The following RNPC3 variants were observed in gnomAD, a reference collection of about 807,000 sequenced individuals.
The protein encoded by RNPC3 is RNA-binding region-containing protein 3.
A neutral mutation model predicts 67.5 loss-of-function variants in RNPC3; 48 were observed. The observed-to-expected ratio is 0.71, with a 90% CI of 0.56 to 0.90. RNPC3 has a LOEUF of 0.90. Among genes scored for constraint, RNPC3 ranks in the 40% least tolerant of loss-of-function variants. RNPC3 has a pLI of 0.00. For synonymous variants in RNPC3, 239 were observed against 210.3 expected (o/e 1.14, Z -1.18); for missense variants, 637 against 626.1 (o/e 1.02, Z -0.19).
chr1:103,541,965 T>A (rs1252174110), intron 8 of RNPC3, among the ~76,000 whole-genome samples: 7 of 151,986 alleles, frequency 4.6e-5, no homozygotes, highest in Admixed American at 3.9e-4. Flanking sequence ...AATTCACATA[T>A]CTTTACTTGG....
chr1:103,536,986 A>C (rs1403507609), intron 6 of RNPC3, among the ~76,000 whole-genome samples: 1 of 152,222 alleles, frequency 6.6e-6, no homozygotes, highest in Non-Finnish European at 1.5e-5. Flanking sequence ...AATTGTTTCG[A>C]CCATGTGCCT....
intron 14 of RNPC3, chr1:103,552,464 C>T (rs1411020366): frequency 6.6e-6 from 1 of 151,618 alleles, no homozygotes; most frequent in Non-Finnish European, 1.5e-5. Flanking sequence ...GTCAAACTGT[C>T]ATTAAAAATA....
intron 12 of RNPC3, among the ~76,000 whole-genome samples, chr1:103,550,485 C>CA (rs1462567707): frequency 2.0e-5 from 3 of 151,422 alleles, no homozygotes; most frequent in Non-Finnish European, 1.5e-5. Flanking sequence ...ACTAAAAATA[C>CA]AAAAAATTAG....
intron 5 of RNPC3, among the ~76,000 whole-genome samples, chr1:103,535,690 C>G (rs1650967216): frequency 6.6e-6 from 1 of 152,024 alleles, no homozygotes; most frequent in South Asian, 2.1e-4. Flanking sequence ...TAGAATACAT[C>G]ATTAACATAG....
chr1:103,552,374 G>A (rs574433743), intron 14 of RNPC3: 8 of 151,762 alleles, frequency 5.3e-5, no homozygotes, highest in African/African-American at 1.7e-4. Flanking sequence ...GAAAACTCCT[G>A]GAATAAACAC....
chr1:103,547,102 T>G, intron 12 of RNPC3, 67 bp downstream of exon 12: 1 of 843,856 alleles, frequency 1.2e-6, no homozygotes, highest in Non-Finnish European at 1.8e-6. Flanking sequence ...TTACCACTAT[T>G]TTAATCCCAT....
chr1:103,543,337 A>T lies in RNPC3; in HGVS notation c.935A>T (p.Gln312Leu). Reference protein sequence around the residue: ...PVLLPSDVFDQPQPVGNKRIE... With the variant: ...PVLLPSDVFDLPQPVGNKRIE... ...CTGTTACCTTCAGATGTATTTGACCAACCACAACCTGTAGGTAACAAAAGA... is the reference window on the plus strand; with the variant it reads ...CTGTTACCTTCAGATGTATTTGACCTACCACAACCTGTAGGTAACAAAAGA... The change falls in exon 9 of 15, where the codon CAA (glutamine) becomes CTA (leucine). Residue 312 changes from glutamine to leucine, a missense_variant. Transcript: ENST00000423855. 6.6e-6 allele frequency: 10 copies of T among 1,505,300 alleles called. No individual in the cohort carries two copies. Among genetic ancestry groups the T allele is most frequent in the Non-Finnish European group, 8.8e-6 (10 of 1,133,282 alleles). The allele number at this position is 1,505,300 out of a possible 1,614,324, so 93.2% of individuals were successfully genotyped here. A position where few individuals can be genotyped will look rare whatever the true frequency, so the allele number is the denominator to read the frequency against.
At chr1:103,539,750 T>C (rs144252131) in intron 7 of RNPC3, among the ~76,000 whole-genome samples, 2 of 152,330 alleles carry the variant, frequency 1.3e-5, no homozygotes, top group East Asian at 3.9e-4. Context: ...TGGTACAGGT[T>C]GAGTATCTCT....
intron 8 of RNPC3, 136 bp downstream of exon 8, chr1:103,541,611 T>C: frequency 1.4e-6 from 1 of 704,340 alleles, no homozygotes; most frequent in Non-Finnish European, 2.2e-6. Context: ...GTTACCAAAT[T>C]TACAAATATT....
chr1:103,527,037 A>G (rs577441499), intron 1 of RNPC3, among the ~76,000 whole-genome samples: 2 of 152,284 alleles, frequency 1.3e-5, no homozygotes, highest in East Asian at 3.9e-4. Flanking sequence ...AAAAAATTAT[A>G]TATGGCTCAA....
rs560994433 is a variant in RNPC3 at position 103,541,486 on chromosome 1, T to A, written c.893+11T>A. The A allele has an allele frequency of 6.8e-7, 1 of 1,479,674 alleles. No homozygotes were observed. Among genetic ancestry groups the A allele is most frequent in the East Asian group, 2.8e-5 (1 of 36,252 alleles). 91.7% of individuals were successfully genotyped at this position (1,479,674 alleles called of 1,614,324 possible). A position where few individuals can be genotyped will look rare whatever the true frequency, so the allele number is the denominator to read the frequency against. On this transcript the variant is annotated intron_variant, in intron 8 of 14. Coordinates refer to ENST00000423855, the MANE Select transcript of RNPC3 (RefSeq NM_017619.4). ...GTGTCCTTCACACAGGTAATTTTAT[T>A]TGAACTAAGAAATGAGGGTTGTCTG...
At chr1:103,549,937 G>A (rs915221503) in intron 12 of RNPC3, among the ~76,000 whole-genome samples, 4 of 151,006 alleles carry the variant, frequency 2.6e-5, no homozygotes, top group Non-Finnish European at 5.9e-5. Context: ...CCGAAGCGGG[G>A]GGGATCACTT....
chr1:103,549,320 A>G (rs1651325088), intron 12 of RNPC3, among the ~76,000 whole-genome samples: 1 of 152,224 alleles, frequency 6.6e-6, no homozygotes, highest in Non-Finnish European at 1.5e-5. Flanking sequence ...AGTGACACCA[A>G]TACTTTACAA....
chr1:103,529,429 C>T (rs1185984938), intron 2 of RNPC3, among the ~76,000 whole-genome samples: 6 of 152,124 alleles, frequency 3.9e-5, no homozygotes, highest in South Asian at 2.1e-4. Flanking sequence ...AAGAGGTTAA[C>T]GGCAATATTG....
At position 103,543,461 on chromosome 1, in the gene RNPC3, A is replaced by C; in HGVS notation, c.1045+14A>C. ...AAAAAAATCATGGTAAGGATATTCTAGTTATTTCACATGCTGAAATCAACT... is the reference window on the plus strand; with the variant it reads ...AAAAAAATCATGGTAAGGATATTCTCGTTATTTCACATGCTGAAATCAACT... On this transcript the variant is annotated intron_variant, in intron 9 of 14. Coordinates refer to ENST00000423855, the MANE Select transcript of RNPC3 (RefSeq NM_017619.4). 6.9e-7 allele frequency: 1 copy of C among 1,444,864 alleles called. No homozygotes were observed. The highest frequency in any genetic ancestry group is 9.1e-7 in the Non-Finnish European group (1 of 1,100,080). 89.5% of individuals were successfully genotyped at this position (1,444,864 alleles called of 1,614,324 possible).
intron 14 of RNPC3, 156 bp downstream of exon 14, chr1:103,551,948 A>G (rs1651400368): frequency 4.2e-6 from 2 of 472,610 alleles, no homozygotes; most frequent in Non-Finnish European, 7.5e-6. Context: ...CGTCAAAACT[A>G]TAACTACAGA....
chr1:103,534,179 A>G (rs1650930152), intron 3 of RNPC3, among the ~76,000 whole-genome samples: 1 of 152,038 alleles, frequency 6.6e-6, no homozygotes, highest in African/African-American at 2.4e-5. Flanking sequence ...GTGTCATGAA[A>G]TCAAGACTGG....
intron 13 of RNPC3, chr1:103,551,313 C>T (rs1322333862): frequency 1.1e-5 from 5 of 458,752 alleles, no homozygotes; most frequent in Non-Finnish European, 1.9e-5. Flanking sequence ...TTCACTTATG[C>T]AGCTCAAAAG....
Position 103,526,176 on chromosome 1 carries a change from G to C in RNPC3, c.106G>C (p.Ala36Pro), listed in dbSNP as rs1428555908. 6.4e-7 allele frequency: 1 copy of C among 1,551,546 alleles called. No homozygotes were observed. The highest frequency in any genetic ancestry group is 2.4e-5 in the East Asian group (1 of 40,874). The change falls in exon 1 of 15, where the codon GCT (alanine) becomes CCT (proline). Residue 36 changes from alanine (A) to proline (P), a missense_variant. Around this residue, in one of 3 missense-constraint regions of RNPC3, gnomAD observed 536 missense variants for 500.3 expected, o/e 1.07. Transcript: ENST00000423855. ...AACCCTTCTGGTCAGGCACCTGCCG[G>C]CTGAGCTTACTGCTGAGGAGAAAGA... ...DRTLLVRHLP[A>P]ELTAEEKEDL...
Sources: gnomAD v4.1 joint callset for allele counts (sites outside exome capture counted in the v4.1 genomes callset) on GRCh38, gnomAD v4.1.1 for gene constraint, gnomAD v4.1.1 regional missense constraint, MANE v1.5 for transcripts, NCBI Gene and HGNC (gene_info 2026-07-23, HGNC 2026-07-21) for gene names.